The following CTNND2 variants were observed in gnomAD, a reference collection of about 807,000 sequenced individuals.
CTNND2 encodes catenin delta 2.
In CTNND2, 22 loss-of-function variants were observed where a neutral mutation model predicts 144.4. The ratio of observed to expected loss-of-function variants is 0.15; its 90% CI spans 0.11 to 0.22. The LOEUF is 0.22. Among genes scored for constraint, CTNND2 ranks in the 10% least tolerant of loss-of-function variants. The probability of loss-of-function intolerance (pLI) is 1.00; values close to 1 mark genes in which losing one functional copy is unlikely to be tolerated. For missense variants in CTNND2, 1,353 were observed against 1,618.8 expected (o/e 0.84, Z 2.82); for synonymous variants, 751 against 695.6 (o/e 1.08, Z -1.25).
At chr5:11,460,781 G>C (rs1284370110) in intron 3 of CTNND2, among the ~76,000 whole-genome samples, 2 of 152,144 alleles carry the variant, frequency 1.3e-5, no homozygotes, top group Non-Finnish European at 2.9e-5. Context: ...GCCAGGAACT[G>C]TGGCTCATGC....
intron 8 of CTNND2, among the ~76,000 whole-genome samples, chr5:11,356,380 C>A (rs1343671252): frequency 6.6e-6 from 1 of 151,922 alleles, no homozygotes; most frequent in African/African-American, 2.4e-5. Flanking sequence ...AATAGAGAGT[C>A]CAGAAATAAA....
chr5:11,377,466 T>C (rs182623371), intron 7 of CTNND2, among the ~76,000 whole-genome samples: 101 of 152,296 alleles, frequency 6.6e-4, no homozygotes, highest in Non-Finnish European at 1.3e-3. Context: ...GATGCCATCT[T>C]GAACAATTAT....
intron 1 of CTNND2, among the ~76,000 whole-genome samples, chr5:11,756,145 G>A (rs555236144): frequency 1.3e-4 from 20 of 151,562 alleles, no homozygotes; most frequent in African/African-American, 3.4e-4. Flanking sequence ...CATAAAATTC[G>A]GAAAAGAAAA....
chr5:11,194,258 T>C (rs1192195247), intron 11 of CTNND2, among the ~76,000 whole-genome samples: 1 of 152,100 alleles, frequency 6.6e-6, no homozygotes, highest in Non-Finnish European at 1.5e-5. Context: ...GGCAGGCACC[T>C]GGGGTGCAGA....
At chr5:11,166,455 T>C (rs1424431090) in intron 11 of CTNND2, among the ~76,000 whole-genome samples, 4 of 151,718 alleles carry the variant, frequency 2.6e-5, no homozygotes, top group Non-Finnish European at 5.9e-5. Context: ...TTCACCATCT[T>C]AGCCAGGATG....
chr5:11,860,042 A>G (rs948684195), intron 1 of CTNND2, among the ~76,000 whole-genome samples: 3 of 152,222 alleles, frequency 2.0e-5, no homozygotes, highest in Non-Finnish European at 4.4e-5. Flanking sequence ...ACTGTCAATC[A>G]TATTCATTCA....
chr5:11,621,840 A>G (rs1037046467), intron 2 of CTNND2, among the ~76,000 whole-genome samples: 2 of 152,206 alleles, frequency 1.3e-5, no homozygotes, highest in Non-Finnish European at 2.9e-5. Flanking sequence ...GGATTGCCTC[A>G]TTAAGCATAT....
At chr5:11,013,794 C>T (rs1213500581) in intron 18 of CTNND2, among the ~76,000 whole-genome samples, 1 of 152,232 alleles carries the variant, frequency 6.6e-6, no homozygotes, top group Admixed American at 6.5e-5. Context: ...ATGCAGCCCC[C>T]TGTCCCCATC....
At chr5:11,607,895 C>A (rs1476368409) in intron 2 of CTNND2, among the ~76,000 whole-genome samples, 1 of 152,084 alleles carries the variant, frequency 6.6e-6, no homozygotes, top group Non-Finnish European at 1.5e-5. Context: ...ATGTGTTTCA[C>A]GTTGACACTG....
At chr5:11,599,156 C>T (rs79953387) in intron 2 of CTNND2, among the ~76,000 whole-genome samples, 5,630 of 152,210 alleles carry the variant, frequency 0.037, 181 homozygotes, top group Non-Finnish European at 0.048. Context: ...CTAAGCCCCA[C>T]CTTCAACACT....
chr5:10,981,082 T>C (rs1482203277), intron 21 of CTNND2, among the ~76,000 whole-genome samples: 6 of 152,122 alleles, frequency 3.9e-5, no homozygotes, highest in African/African-American at 1.4e-4. Flanking sequence ...AAGAATCTAC[T>C]GTTCAGTTCT....
chr5:11,677,990 G>A (rs530705148), intron 2 of CTNND2, among the ~76,000 whole-genome samples: 1 of 152,142 alleles, frequency 6.6e-6, no homozygotes, highest in Non-Finnish European at 1.5e-5. Context: ...CCCATAAACA[G>A]GTAGTGAACC....
chr5:11,111,909 C>G (rs1456771798), intron 13 of CTNND2, among the ~76,000 whole-genome samples: 1 of 150,708 alleles, frequency 6.6e-6, no homozygotes, highest in African/African-American at 2.4e-5. Flanking sequence ...TGCAGTGGCG[C>G]GATCTCGGCT....
At chr5:11,624,134 T>A (rs542077260) in intron 2 of CTNND2, among the ~76,000 whole-genome samples, 6 of 152,148 alleles carry the variant, frequency 3.9e-5, no homozygotes, top group Admixed American at 3.9e-4. Flanking sequence ...GTTAAGGGCA[T>A]GTAAACTCCC....
At chr5:11,782,128 A>G (rs1790571970) in intron 1 of CTNND2, among the ~76,000 whole-genome samples, 1 of 152,212 alleles carries the variant, frequency 6.6e-6, no homozygotes, top group African/African-American at 2.4e-5. Flanking sequence ...GCCTGCCACC[A>G]TTTAAGACAT....
chr5:11,619,332 C>T (rs1226207484), intron 2 of CTNND2, among the ~76,000 whole-genome samples: 3 of 152,146 alleles, frequency 2.0e-5, no homozygotes, highest in South Asian at 2.1e-4. Flanking sequence ...CACTTGAACC[C>T]GGCAGGCAGA....
intron 16 of CTNND2, among the ~76,000 whole-genome samples, chr5:11,042,326 C>T (rs1310887185): frequency 6.6e-6 from 1 of 152,212 alleles, no homozygotes; most frequent in East Asian, 1.9e-4. Flanking sequence ...TTAGTGTTGG[C>T]TGATAGGAGC....
chr5:11,844,980 A>C (rs1344827358), intron 1 of CTNND2, among the ~76,000 whole-genome samples: 1 of 152,070 alleles, frequency 6.6e-6, no homozygotes, highest in African/African-American at 2.4e-5. Context: ...CATTTTCATG[A>C]ACGGGAGCTA....
At chr5:11,626,443 G>A (rs1781159060) in intron 2 of CTNND2, among the ~76,000 whole-genome samples, 1 of 152,174 alleles carries the variant, frequency 6.6e-6, no homozygotes, top group Non-Finnish European at 1.5e-5. Flanking sequence ...AATTCATTGA[G>A]ATTCTATGAA....
Sources: gnomAD v4.1 joint callset for allele counts (sites outside exome capture counted in the v4.1 genomes callset) on GRCh38, gnomAD v4.1.1 for gene constraint, MANE v1.5 for transcripts, NCBI Gene and HGNC (gene_info 2026-07-23, HGNC 2026-07-21) for gene names.